The following UNC79 variants were observed in gnomAD, a reference collection of about 807,000 sequenced individuals.
UNC79 encodes unc-79 subunit of NALCN channel complex.
Under a neutral mutation model 283.1 loss-of-function variants are expected in UNC79, and 37 were observed. That is an observed-to-expected ratio of 0.13 (90% CI 0.10 to 0.17). UNC79 has a LOEUF of 0.17. Among genes scored for constraint, UNC79 ranks in the 10% least tolerant of loss-of-function variants. The pLI is 1.00. For missense variants in UNC79, 2,272 were observed against 3,211.1 expected, an observed-to-expected ratio of 0.71 and a Z score of 7.07; for synonymous variants, 1,107 against 1,200.2, an observed-to-expected ratio of 0.92 and a Z score of 1.61.
At chr14:93,413,991 G>A (rs1312531864) in intron 1 of UNC79, among the ~76,000 whole-genome samples, 10 of 151,896 alleles carry the variant, frequency 6.6e-5, no homozygotes, top group Admixed American at 6.6e-4. Flanking sequence ...TCTTCACTCT[G>A]ATGGTAGTTT....
chr14:93,556,116 A>G (rs181679559), intron 14 of UNC79, among the ~76,000 whole-genome samples: 186 of 152,292 alleles, frequency 1.2e-3, no homozygotes, highest in Middle Eastern at 0.01. Flanking sequence ...GGCAAGTGCT[A>G]TGAGACAAGA....
intron 2 of UNC79, among the ~76,000 whole-genome samples, chr14:93,468,692 A>G (rs965398624): frequency 6.6e-6 from 1 of 152,206 alleles, no homozygotes; most frequent in African/African-American, 2.4e-5. Flanking sequence ...TGCTTTGCGG[A>G]TGGAAGCTTC....
intron 7 of UNC79, among the ~76,000 whole-genome samples, chr14:93,520,256 C>T (rs756570773): frequency 1.3e-5 from 2 of 151,808 alleles, no homozygotes; most frequent in Non-Finnish European, 2.9e-5. Flanking sequence ...TTGTTTCTGA[C>T]GAGAAATCAG....
intron 1 of UNC79, among the ~76,000 whole-genome samples, chr14:93,457,949 G>A (rs2056842243): frequency 6.6e-6 from 1 of 152,180 alleles, no homozygotes; most frequent in Non-Finnish European, 1.5e-5. Context: ...AGGTAATTGA[G>A]GAGGATGTCT....
intron 2 of UNC79, among the ~76,000 whole-genome samples, chr14:93,473,352 C>A (rs1423193620): frequency 2.0e-5 from 3 of 152,036 alleles, no homozygotes; most frequent in Non-Finnish European, 1.5e-5. Context: ...CATAAATAAC[C>A]ATTATCATTA....
In UNC79 at chr14:93,435,513, G is replaced by A. The variant is rs141561335; in HGVS notation, c.22+4462G>A. On this transcript the variant is annotated intron_variant, in intron 1 of 48. Coordinates refer to ENST00000555664, the Ensembl canonical transcript of UNC79. Reference sequence around the variant, plus strand: ...CATTCACTTGCATGGTATCATCTACGAGGATGCCTCCCACATACAATTTTC... The same window carrying A: ...CATTCACTTGCATGGTATCATCTACAAGGATGCCTCCCACATACAATTTTC... 4.5e-3 allele frequency among the ~76,000 whole-genome samples: 687 copies of A among 152,208 alleles called. 1 individual carries two copies. The highest frequency in any genetic ancestry group is 7.2e-3 in the Non-Finnish European group (493 of 68,012).
intron 47 of UNC79, among the ~76,000 whole-genome samples, chr14:93,700,988 T>A (rs147757931): frequency 0.016 from 2,418 of 152,302 alleles, 54 homozygotes; most frequent in African/African-American, 0.052. Context: ...GGATCCCTTT[T>A]CAGATCTTTG....
chr14:93,511,471 C>T (rs2059820762), intron 7 of UNC79, among the ~76,000 whole-genome samples: 1 of 152,014 alleles, frequency 6.6e-6, no homozygotes, highest in South Asian at 2.1e-4. Context: ...TATTTTGAGA[C>T]AGAGTCTCGC....
chr14:93,454,936 A>G (rs1435364833), intron 1 of UNC79, among the ~76,000 whole-genome samples: 1 of 152,140 alleles, frequency 6.6e-6, no homozygotes, highest in Non-Finnish European at 1.5e-5. Context: ...TACAAATGTA[A>G]TGGATGATGA....
intron 1 of UNC79, among the ~76,000 whole-genome samples, chr14:93,423,982 C>G (rs961721561): frequency 1.3e-5 from 2 of 151,998 alleles, no homozygotes; most frequent in Non-Finnish European, 2.9e-5. Flanking sequence ...GGATTAATAA[C>G]GAGAATATAT....
intron 23 of UNC79, among the ~76,000 whole-genome samples, chr14:93,595,183 G>A (rs556550842): frequency 2.0e-5 from 3 of 151,578 alleles, no homozygotes; most frequent in East Asian, 1.9e-4. Context: ...TCTGCCTCCC[G>A]GGTTTAAGCG....
chr14:93,377,042 G>A (rs760582007), intron 1 of UNC79, among the ~76,000 whole-genome samples: 11 of 150,028 alleles, frequency 7.3e-5, no homozygotes, highest in African/African-American at 1.9e-4. Flanking sequence ...AGCTGCACCC[G>A]AAGCAGTGCA....
chr14:93,528,639 A>G, exon 9 of UNC79: 1 of 1,613,850 alleles, frequency 6.2e-7, no homozygotes, highest in Non-Finnish European at 8.5e-7. Flanking sequence ...CAGCGAGAGG[A>G]TTGCAGGGTA....
rs1025752905 is a variant in UNC79, at chr14:93,497,101, T to C, written c.769-56T>C. 2.5e-5 allele frequency: 39 copies of C among 1,565,552 alleles called. No homozygotes were observed. The South Asian group carries it at 4.5e-4, about 18-fold the overall frequency. ...ACTGCTTTGGTAATGTTGAAGTCTC[T>C]ACCTTTCTTTTTATTTCATGATGCT... On this transcript the variant is annotated intron_variant, in intron 6 of 48. Transcript: ENST00000555664.
At chr14:93,467,634 T>TTTC in intron 1 of UNC79, 37 bp from the exon 2 acceptor site, 1 of 603,546 alleles carries the variant, frequency 1.7e-6, no homozygotes, top group Non-Finnish European at 2.0e-6. Context: ...CTTCCTTTTT[T>TTTC]TTTTTTTTTT....
At chr14:93,350,252 T>G (rs144741638) in intron 1 of UNC79, among the ~76,000 whole-genome samples, 2,128 of 152,192 alleles carry the variant, frequency 0.014, 23 homozygotes, top group Middle Eastern at 0.034. Context: ...AAAATAATTT[T>G]GTATAATTTA....
intron 35 of UNC79, among the ~76,000 whole-genome samples, chr14:93,649,691 A>G (rs1286315980): frequency 1.3e-5 from 2 of 152,222 alleles, no homozygotes; most frequent in Admixed American, 1.3e-4. Context: ...GCTAATTAAC[A>G]TATCACCTCA....
chr14:93,549,167 CATTTA>C lies in UNC79; in HGVS notation c.1755+6478_1755+6482del, dbSNP rs563462791. Among the ~76,000 whole-genome samples the C allele has an allele frequency of 1.9e-3, 288 of 152,230 alleles. 1 individual carries two copies. Among genetic ancestry groups the C allele is most frequent in the African/African-American group, 6.4e-3 (266 of 41,540 alleles). On this transcript the variant is annotated intron_variant, in intron 14 of 48. Transcript: ENST00000555664. The stretch of plus-strand genomic sequence containing the variant: ...ATCTAGATTTTCAGTGAATACCTGC[CATTTA>C]ATTTAACTTAGTATACCGTTAAGGT...
chr14:93,343,453 G>A (rs1457488702), intron 1 of UNC79, among the ~76,000 whole-genome samples: 1 of 152,148 alleles, frequency 6.6e-6, no homozygotes, highest in Non-Finnish European at 1.5e-5. Context: ...TTACTTATCT[G>A]AGTATCTCGA....
Sources: gnomAD v4.1 joint callset for allele counts (sites outside exome capture counted in the v4.1 genomes callset) on GRCh38, gnomAD v4.1.1 for gene constraint, MANE v1.5 for transcripts, NCBI Gene and HGNC (gene_info 2026-07-23, HGNC 2026-07-21) for gene names.